The following TRDMT1 variants were observed in gnomAD, a reference collection of about 807,000 sequenced individuals.
TRDMT1 encodes the protein tRNA aspartic acid methyltransferase 1.
Under a neutral mutation model 51.2 loss-of-function variants are expected in TRDMT1, and 49 were observed. The ratio of observed to expected loss-of-function variants is 0.96; its 90% CI spans 0.76 to 1.21. TRDMT1 has a LOEUF of 1.21. TRDMT1 is among the 50% of genes most tolerant of loss of function. The pLI is 0.00. For missense variants in TRDMT1, 534 were observed against 462.3 expected, an observed-to-expected ratio of 1.16 and a Z score of -1.42; for synonymous variants, 187 against 164.6, an observed-to-expected ratio of 1.14 and a Z score of -1.04.
At chr10:17,150,747 C>T in intron 10 of TRDMT1, 1 of 984,776 alleles carries the variant, frequency 1.0e-6, no homozygotes, top group East Asian at 1.1e-4. Flanking sequence ...ATTTTATTAA[C>T]TGCAATAAAA....
At chr10:17,160,913 G>A (rs1181685814) in intron 5 of TRDMT1, among the ~76,000 whole-genome samples, 1 of 152,146 alleles carries the variant, frequency 6.6e-6, no homozygotes, top group African/African-American at 2.4e-5. Flanking sequence ...AAATAAAGCT[G>A]CCAGATAAAT....
intron 1 of TRDMT1, 97 bp downstream of exon 1, chr10:17,201,474 C>T (rs894035750): frequency 1.5e-6 from 2 of 1,321,924 alleles, no homozygotes; most frequent in Non-Finnish European, 2.1e-6. Flanking sequence ...CCACAGTGTC[C>T]GCCCCTTGCG....
intron 1 of TRDMT1, among the ~76,000 whole-genome samples, chr10:17,180,653 ACTGT>A (rs1177502461): frequency 2.0e-5 from 3 of 152,298 alleles, no homozygotes; most frequent in South Asian, 2.1e-4. Flanking sequence ...TCTACTTATA[ACTGT>A]CTATTAGGAG....
chr10:17,174,513 C>A (rs1295692751), intron 2 of TRDMT1, 38 bp downstream of exon 2: 1 of 1,414,608 alleles, frequency 7.1e-7, no homozygotes, highest in Non-Finnish European at 1.0e-6. Context: ...TCACATTTCC[C>A]TTGCTACATA....
Position 17,153,604 on chromosome 10 carries a change from C to A in TRDMT1, c.978G>T (p.Leu326Phe), listed in dbSNP as rs765298823. 1.9e-6 allele frequency: 3 copies of A among 1,602,086 alleles called. No homozygotes were observed. The highest frequency in any genetic ancestry group is 2.6e-6 in the Non-Finnish European group (3 of 1,175,318). The stretch of plus-strand genomic sequence containing the variant: ...GCTTTGTTATCTGTTCTTCTTGTGA[C>A]AAATTGGTAAGGGATTTGTAGATAT... ...VENIYKSLTN[L>F]SQEEQITKLL... The change falls in exon 10 of 11, where the codon TTG (leucine) becomes TTT (phenylalanine). Residue 326 changes from leucine to phenylalanine, a missense_variant. Coordinates refer to ENST00000377799, the MANE Select transcript of TRDMT1 (RefSeq NM_004412.7).
In TRDMT1 at chr10:17,194,952, A is replaced by G. The variant is rs1174243724; in HGVS notation, c.64+6619T>C. On this transcript the variant is annotated intron_variant, in intron 1 of 10. Transcript: ENST00000377799. ...CGACTCAAAAAAAAAAAAAAGTCAA[A>G]AAAAAAAAAAAACGCAGATGCTGGC... Among the ~76,000 whole-genome samples the G allele has an allele frequency of 2.5e-5, 3 of 120,374 alleles. No homozygotes were observed. The East Asian group carries it at 6.3e-4, about 25-fold the overall frequency. The allele number at this position is 120,374 out of a possible 152,430, so 79.0% of individuals were successfully genotyped here.
In TRDMT1 at chr10:17,139,609, T is replaced by C. The variant is rs945003158; in HGVS notation, c.*9431A>G. Among the ~76,000 whole-genome samples the C allele has an allele frequency of 6.6e-6, 1 of 152,150 alleles. No homozygotes were observed. Among genetic ancestry groups the C allele is most frequent in the Admixed American group, 6.5e-5 (1 of 15,278 alleles). ...CCTCTTGTACCTTTAATTGGGAAGA[T>C]AGACGCAGAAGCAGTACACACAGGC... is the stretch of plus-strand genomic sequence containing the variant. On this transcript the variant is annotated 3_prime_UTR_variant, in exon 11 of 11. Coordinates refer to ENST00000377799, the MANE Select transcript of TRDMT1 (RefSeq NM_004412.7).
At chr10:17,165,224 C>A (rs1383038248) in intron 3 of TRDMT1, among the ~76,000 whole-genome samples, 1 of 152,134 alleles carries the variant, frequency 6.6e-6, no homozygotes, top group African/African-American at 2.4e-5. Flanking sequence ...CACTTATCTA[C>A]AACTATCTGA....
intron 1 of TRDMT1, among the ~76,000 whole-genome samples, chr10:17,181,293 G>T (rs1843253505): frequency 6.6e-6 from 1 of 152,116 alleles, no homozygotes; most frequent in Non-Finnish European, 1.5e-5. Context: ...CGTTTGCTGT[G>T]ACGGACCATG....
rs1168090743 is a variant in TRDMT1, at chr10:17,163,905, C to T, written c.252-1668G>A. Among the ~76,000 whole-genome samples, 6 of 152,130 alleles carry T rather than the reference C, an allele frequency of 3.9e-5. No homozygotes were observed. In the South Asian group the frequency reaches 6.2e-4, roughly 16 times the overall value. ...TTACCAACCAAAAAAAAGTCCAGGA[C>T]CAGACAGATTCACAGCCAAATTCTA... On this transcript the variant is annotated intron_variant, in intron 3 of 10. Coordinates refer to ENST00000377799, the MANE Select transcript of TRDMT1 (RefSeq NM_004412.7).
intron 3 of TRDMT1, among the ~76,000 whole-genome samples, chr10:17,163,392 A>G (rs978328218): frequency 5.3e-5 from 8 of 152,208 alleles, no homozygotes; most frequent in Non-Finnish European, 1.0e-4. Flanking sequence ...GGAAATTTAT[A>G]GCACTAAAAG....
chr10:17,153,605 A>T lies in TRDMT1; in HGVS notation c.977T>A (p.Leu326Ter). 1 of 1,602,890 alleles carries T rather than the reference A, an allele frequency of 6.2e-7. No homozygotes were observed. The highest frequency in any genetic ancestry group is 8.5e-7 in the Non-Finnish European group (1 of 1,175,634). ...CTTTGTTATCTGTTCTTCTTGTGAC[A>T]AATTGGTAAGGGATTTGTAGATATT... ...VENIYKSLTN[L>*]SQEEQITKLL... The change falls in exon 10 of 11, where the codon TTG becomes TAG. Residue 326 changes from leucine (L) to a stop codon, truncating the protein, a stop_gained. Transcript: ENST00000377799. LOFTEE classifies it high-confidence loss of function.
intron 6 of TRDMT1, 137 bp downstream of exon 6, chr10:17,160,168 C>G (rs1247593142): frequency 2.1e-6 from 1 of 467,540 alleles, no homozygotes; most frequent in African/African-American, 2.1e-5. Flanking sequence ...GAAGGAAGAC[C>G]CATAATCTAA....
intron 1 of TRDMT1, among the ~76,000 whole-genome samples, chr10:17,201,099 T>C (rs901691888): frequency 2.0e-5 from 3 of 152,158 alleles, no homozygotes; most frequent in Non-Finnish European, 2.9e-5. Context: ...CGCAAACTTC[T>C]ACCTTGAATT....
At chr10:17,163,274 T>C (rs1461629069) in intron 3 of TRDMT1, among the ~76,000 whole-genome samples, 3 of 151,902 alleles carry the variant, frequency 2.0e-5, no homozygotes, top group African/African-American at 2.4e-5. Flanking sequence ...AATGAAGACT[T>C]GAATTGAGCC....
chr10:17,157,331 G>A, intron 8 of TRDMT1, 110 bp downstream of exon 8: 1 of 1,108,390 alleles, frequency 9.0e-7, no homozygotes, highest in Non-Finnish European at 1.3e-6. Flanking sequence ...CCTCATTCTA[G>A]CAAAAACATT....
chr10:17,165,097 T>C lies in TRDMT1; in HGVS notation c.252-2860A>G, dbSNP rs1840993483. Among the ~76,000 whole-genome samples, 3 of 152,284 alleles carry C rather than the reference T, an allele frequency of 2.0e-5. No individual in the cohort carries two copies. In the South Asian group the frequency reaches 6.2e-4, roughly 32 times the overall value. On this transcript the variant is annotated intron_variant, in intron 3 of 10. Coordinates refer to ENST00000377799, the MANE Select transcript of TRDMT1 (RefSeq NM_004412.7). ...AGCCAAAAGAACGAAGCTGGAGGCATCACGCTACCTGACTTGAAACTATAC... is the reference window on the plus strand; with the variant it reads ...AGCCAAAAGAACGAAGCTGGAGGCACCACGCTACCTGACTTGAAACTATAC...
intron 1 of TRDMT1, among the ~76,000 whole-genome samples, chr10:17,194,217 T>G (rs1845074519): frequency 6.6e-6 from 1 of 152,192 alleles, no homozygotes; most frequent in African/African-American, 2.4e-5. Context: ...GAAGAAAACC[T>G]AGGAAACACC....
chr10:17,168,934 T>G lies in TRDMT1; in HGVS notation c.175-17A>C. ...TGTAATGCCCTGAGGAATGAACATT[T>G]AGGGGGAAAAAAGAACATAAAAACA... On this transcript the variant is annotated splice_polypyrimidine_tract_variant and intron_variant, in intron 2 of 10. Transcript: ENST00000377799. 1 of 1,555,134 alleles carries G rather than the reference T, an allele frequency of 6.4e-7. No individual in the cohort carries two copies. Among genetic ancestry groups the G allele is most frequent in the Non-Finnish European group, 8.8e-7 (1 of 1,138,796 alleles).
Sources: gnomAD v4.1 joint callset for allele counts (sites outside exome capture counted in the v4.1 genomes callset) on GRCh38, gnomAD v4.1.1 for gene constraint, MANE v1.5 for transcripts, NCBI Gene and HGNC (gene_info 2026-07-23, HGNC 2026-07-21) for gene names.